The following RBFOX1 variants were observed in gnomAD, a reference collection of about 807,000 sequenced individuals.
RBFOX1 encodes the protein RNA binding protein fox-1 homolog 1.
A neutral mutation model predicts 57.7 loss-of-function variants in RBFOX1; 8 were observed. The observed-to-expected ratio is 0.14, with a 90% CI of 0.08 to 0.25. The LOEUF (loss-of-function observed/expected upper bound fraction) is 0.25. RBFOX1 is among the 10% of genes least tolerant of loss of function. The pLI is 1.00. For missense variants in RBFOX1, 611 were observed against 548.5 expected (o/e 1.11, Z -1.14); for synonymous variants, 326 against 222.4 (o/e 1.47, Z -4.15).
At chr16:6,101,933 C>T (rs1367113649) in intron 1 of RBFOX1, among the ~76,000 whole-genome samples, 6 of 152,064 alleles carry the variant, frequency 3.9e-5, no homozygotes, top group Non-Finnish European at 7.4e-5. Flanking sequence ...TAGTGCACTG[C>T]AGTAGGCCTG....
intron 4 of RBFOX1, among the ~76,000 whole-genome samples, chr16:7,500,987 G>A (rs998852364): frequency 6.6e-6 from 1 of 152,122 alleles, no homozygotes; most frequent in Non-Finnish European, 1.5e-5. Context: ...TGTCCTTCCT[G>A]CTGCCATGTG....
chr16:5,674,428 C>T (rs1011008874), intron 3 of RBFOX1, among the ~76,000 whole-genome samples: 9 of 152,052 alleles, frequency 5.9e-5, no homozygotes, highest in African/African-American at 1.7e-4. Context: ...CATGCCCGGG[C>T]GCAGGTTGAT....
At chr16:7,023,351 T>C (rs551456219) in intron 3 of RBFOX1, among the ~76,000 whole-genome samples, 4 of 151,384 alleles carry the variant, frequency 2.6e-5, no homozygotes, top group South Asian at 4.2e-4. Context: ...TCCCAGCTAC[T>C]TGGGAGGCTG....
chr16:6,741,862 A>C (rs984078338), intron 3 of RBFOX1, among the ~76,000 whole-genome samples: 1 of 152,310 alleles, frequency 6.6e-6, no homozygotes. Flanking sequence ...ATGTTTGTCA[A>C]AGCATACAAA....
At chr16:6,654,851 G>T (rs936760501) in intron 3 of RBFOX1, among the ~76,000 whole-genome samples, 3 of 150,928 alleles carry the variant, frequency 2.0e-5, no homozygotes, top group African/African-American at 7.3e-5. Context: ...GCTTCATGAG[G>T]AGTGCATATT....
intron 1 of RBFOX1, among the ~76,000 whole-genome samples, chr16:5,343,136 T>C (rs927520182): frequency 1.3e-5 from 2 of 152,156 alleles, no homozygotes; most frequent in Non-Finnish European, 2.9e-5. Context: ...TAAGGAAGCA[T>C]GTGACCATTG....
chr16:7,052,238 G>A (rs913114541), intron 4 of RBFOX1, 140 bp downstream of exon 4: 1 of 1,328,184 alleles, frequency 7.5e-7, no homozygotes, highest in Non-Finnish European at 1.0e-6. Flanking sequence ...ATTTATCCCA[G>A]CTTATTTAGT....
At chr16:6,558,288 C>A (rs1343604582) in intron 2 of RBFOX1, among the ~76,000 whole-genome samples, 2 of 152,040 alleles carry the variant, frequency 1.3e-5, no homozygotes, top group Non-Finnish European at 2.9e-5. Context: ...TTTTGCAAAT[C>A]GAGAATAAGA....
At position 7,622,341 on chromosome 16, in the gene RBFOX1, G is replaced by C. The variant is rs1329376491; in HGVS notation, c.677-8262G>C. Among the ~76,000 whole-genome samples, 4 of 152,208 alleles carry C rather than the reference G, an allele frequency of 2.6e-5. No homozygotes were observed. In the East Asian group the frequency reaches 7.7e-4, roughly 29 times the overall value. ...GTAAATGATGATCTAAGTTAAAGTT[G>C]AGCAGGATACCCAGTGATTCTCAGG... On this transcript the variant is annotated intron_variant, in intron 10 of 15. Transcript: ENST00000550418.
chr16:7,589,536 A>C (rs190925580), intron 7 of RBFOX1, among the ~76,000 whole-genome samples: 1 of 151,860 alleles, frequency 6.6e-6, no homozygotes, highest in Admixed American at 6.6e-5. Flanking sequence ...AAACATCCAA[A>C]ATAGCCTCTC....
Position 6,326,423 on chromosome 16 carries a change from T to C in RBFOX1, c.-64+9366T>C, listed in dbSNP as rs1159680415. ...CAGGGAGGGCTCAGGAATGTAAGGA[T>C]GTGATTAGTTTGACCAGATGTGAGA... On this transcript the variant is annotated intron_variant, in intron 2 of 15. Coordinates refer to ENST00000550418, the MANE Select transcript of RBFOX1 (RefSeq NM_018723.4). Among the ~76,000 whole-genome samples, 2 of 152,184 alleles carry C rather than the reference T, an allele frequency of 1.3e-5. 1 individual carries two copies. Among genetic ancestry groups the C allele is most frequent in the African/African-American group, 4.8e-5 (2 of 41,450 alleles).
At chr16:6,276,760 C>T (rs1018666251) in intron 1 of RBFOX1, among the ~76,000 whole-genome samples, 6 of 152,114 alleles carry the variant, frequency 3.9e-5, no homozygotes, top group East Asian at 1.9e-4. Context: ...TTTATCACAG[C>T]ATCCTGTTTA....
intron 2 of RBFOX1, among the ~76,000 whole-genome samples, chr16:6,563,029 A>G (rs1294134491): frequency 1.3e-5 from 2 of 151,278 alleles, no homozygotes; most frequent in Admixed American, 6.6e-5. Flanking sequence ...GTTCAATGTC[A>G]TTTGCACAAT....
chr16:6,441,014 A>T (rs2094366770), intron 2 of RBFOX1, among the ~76,000 whole-genome samples: 1 of 152,024 alleles, frequency 6.6e-6, no homozygotes, highest in Non-Finnish European at 1.5e-5. Context: ...ACATGATTGG[A>T]GTCAGTGATG....
rs144238188 is a variant in RBFOX1 at position 6,296,249 on chromosome 16, T to G, written c.-126-20746T>G. ...CCTTGGTGCCAAGTTCAGTGCTAGATTTTCAAAGAAGAAAGGGGATAAACA... is the reference window on the plus strand; with the variant it reads ...CCTTGGTGCCAAGTTCAGTGCTAGAGTTTCAAAGAAGAAAGGGGATAAACA... On this transcript the variant is annotated intron_variant, in intron 1 of 15. Transcript: ENST00000550418. Among the ~76,000 whole-genome samples, 375 of 152,246 alleles carry G rather than the reference T, an allele frequency of 2.5e-3. 2 individuals are homozygous for G. Among genetic ancestry groups the G allele is most frequent in the African/African-American group, 8.4e-3 (351 of 41,548 alleles).
At chr16:5,769,077 A>G (rs1417491771) in intron 3 of RBFOX1, among the ~76,000 whole-genome samples, 4 of 149,700 alleles carry the variant, frequency 2.7e-5, no homozygotes, top group Non-Finnish European at 4.5e-5. Flanking sequence ...GGTCAAAAAG[A>G]AAAAAAAAAG....
chr16:7,041,670 C>T (rs185489924), intron 3 of RBFOX1, among the ~76,000 whole-genome samples: 22 of 152,214 alleles, frequency 1.4e-4, no homozygotes, highest in African/African-American at 2.9e-4. Flanking sequence ...TCAAACCTTT[C>T]GAAAGGAATC....
intron 11 of RBFOX1, among the ~76,000 whole-genome samples, chr16:7,652,119 A>T (rs2065192729): frequency 6.6e-6 from 1 of 152,096 alleles, no homozygotes; most frequent in Non-Finnish European, 1.5e-5. Context: ...TTTGGGAAAC[A>T]TTGCCTGCTA....
intron 1 of RBFOX1, among the ~76,000 whole-genome samples, chr16:5,290,568 C>T (rs1481365262): frequency 1.3e-5 from 2 of 152,018 alleles, no homozygotes; most frequent in Non-Finnish European, 1.5e-5. Flanking sequence ...TTATATTAAA[C>T]AAGTAAAATC....
Sources: allele counts gnomAD v4.1 joint callset (sites outside exome capture counted in the v4.1 genomes callset), GRCh38; gene constraint gnomAD v4.1.1; transcripts MANE v1.5; gene names NCBI Gene and HGNC (gene_info 2026-07-23, HGNC 2026-07-21).